KALRN: variants seen among roughly 807,000 people sequenced by gnomAD.
The protein encoded by KALRN is kalirin.
A neutral mutation model predicts 353.7 loss-of-function variants in KALRN; 70 were observed. The ratio of observed to expected loss-of-function variants is 0.20; its 90% CI spans 0.16 to 0.24. The LOEUF is 0.24. Among genes scored for constraint, KALRN ranks in the 10% least tolerant of loss-of-function variants. KALRN has a pLI of 1.00. For missense variants in KALRN, 2,791 were observed against 3,756.7 expected (o/e 0.74, Z 6.72); for synonymous variants, 1,391 against 1,434.8 (o/e 0.97, Z 0.69).
chr3:124,055,242 C>T (rs1260541581), intron 1 of KALRN, among the ~76,000 whole-genome samples: 1 of 152,184 alleles, frequency 6.6e-6, no homozygotes, highest in Non-Finnish European at 1.5e-5. Flanking sequence ...CTGTCATTCC[C>T]ATAGAATCTG....
In KALRN at chr3:124,562,752, C is replaced by A. The variant is rs2109870140; in HGVS notation, c.4936-91C>A. 3.4e-6 allele frequency: 4 copies of A among 1,160,138 alleles called. No individual in the cohort carries two copies. The South Asian group carries it at 5.8e-5, about 17-fold the overall frequency. 71.9% of individuals were successfully genotyped at this position (1,160,138 alleles called of 1,614,324 possible). On this transcript the variant is annotated intron_variant, in intron 33 of 59. Coordinates refer to ENST00000682506, the MANE Select transcript of KALRN (RefSeq NM_001388419.1). ...CCTCCTTACCTCTGCTCTCACACATCCTTCGTCCCCTCTCACCAACCCTCT... is the reference window on the plus strand; with the variant it reads ...CCTCCTTACCTCTGCTCTCACACATACTTCGTCCCCTCTCACCAACCCTCT...
intron 1 of KALRN, among the ~76,000 whole-genome samples, chr3:124,170,095 C>T (rs558969330): frequency 2.6e-5 from 4 of 152,172 alleles, no homozygotes; most frequent in South Asian, 4.2e-4. Context: ...GTACTTGGGA[C>T]GTGTGGTAAA....
intron 34 of KALRN, among the ~76,000 whole-genome samples, chr3:124,614,534 A>G (rs1428185704): frequency 6.6e-6 from 1 of 150,938 alleles, no homozygotes; most frequent in Non-Finnish European, 1.5e-5. Flanking sequence ...TGTTGGGATT[A>G]CAGGCATGAG....
chr3:124,353,133 GT>G (rs1437557645), intron 10 of KALRN, among the ~76,000 whole-genome samples: 1 of 152,120 alleles, frequency 6.6e-6, no homozygotes, highest in African/African-American at 2.4e-5. Context: ...CAACTGCATT[GT>G]GCTATCTTGA....
At chr3:124,063,825 A>G (rs2149227265) in intron 1 of KALRN, among the ~76,000 whole-genome samples, 1 of 152,274 alleles carries the variant, frequency 6.6e-6, no homozygotes, top group East Asian at 1.9e-4. Context: ...TCCATATGTA[A>G]AGCACTGACT....
chr3:124,035,373 A>C (rs1423095383), intron 1 of KALRN, among the ~76,000 whole-genome samples: 1 of 152,160 alleles, frequency 6.6e-6, no homozygotes, highest in Non-Finnish European at 1.5e-5. Flanking sequence ...ATGGGAATTC[A>C]TAACTGGGAC....
chr3:124,563,981 G>A (rs547967041), intron 34 of KALRN, among the ~76,000 whole-genome samples: 34 of 147,688 alleles, frequency 2.3e-4, no homozygotes, highest in African/African-American at 8.6e-4. Flanking sequence ...ACTCCAGCCT[G>A]GGCAACAGAG....
intron 31 of KALRN, chr3:124,491,706 G>C (rs557373612): frequency 3.4e-6 from 1 of 290,852 alleles, no homozygotes; most frequent in Admixed American, 5.2e-5. Flanking sequence ...CGCTTAAACT[G>C]TGCTCTGTCC....
chr3:124,325,249 C>G (rs2079766860), intron 6 of KALRN, among the ~76,000 whole-genome samples: 1 of 152,044 alleles, frequency 6.6e-6, no homozygotes, highest in Non-Finnish European at 1.5e-5. Context: ...CTCCTTGATG[C>G]CTTTTGGGGT....
intron 1 of KALRN, among the ~76,000 whole-genome samples, chr3:124,192,574 C>A (rs1333638812): frequency 6.6e-6 from 1 of 151,830 alleles, no homozygotes; most frequent in Non-Finnish European, 1.5e-5. Flanking sequence ...GGATGGATAC[C>A]CCATTCTCCG....
At position 124,385,279 on chromosome 3, in the gene KALRN, G is replaced by T. The variant is rs374916477; in HGVS notation, c.1962+243G>T. Among the ~76,000 whole-genome samples the T allele has an allele frequency of 7.9e-5, 12 of 152,218 alleles. No homozygotes were observed. In the East Asian group the frequency reaches 2.1e-3, roughly 27 times the overall value. On this transcript the variant is annotated intron_variant, in intron 11 of 59. Coordinates refer to ENST00000682506, the MANE Select transcript of KALRN (RefSeq NM_001388419.1). The stretch of plus-strand genomic sequence containing the variant: ...GTCATGGAGACAGGTGGTTTTCGGG[G>T]CATCTGCTAGAGCATGCAATCTGCA...
chr3:124,102,150 A>C (rs536597810), intron 1 of KALRN, among the ~76,000 whole-genome samples: 3 of 152,144 alleles, frequency 2.0e-5, no homozygotes, highest in Non-Finnish European at 4.4e-5. Context: ...ATTGGCTTTT[A>C]TAGTCATCTA....
chr3:124,048,837 A>C (rs1314500005), intron 1 of KALRN, among the ~76,000 whole-genome samples: 2 of 152,168 alleles, frequency 1.3e-5, no homozygotes, highest in Non-Finnish European at 2.9e-5. Context: ...GTGTTACTTT[A>C]TTAAACCATT....
chr3:124,496,742 T>A (rs1391897089), intron 33 of KALRN, among the ~76,000 whole-genome samples: 4 of 152,202 alleles, frequency 2.6e-5, no homozygotes. Flanking sequence ...TGCTGTGCCT[T>A]CTGGGGGGAT....
At chr3:124,252,639 G>A (rs1328105576) in intron 3 of KALRN, among the ~76,000 whole-genome samples, 19 of 152,202 alleles carry the variant, frequency 1.2e-4, no homozygotes, top group Admixed American at 1.2e-3. Flanking sequence ...TAACTCTTTG[G>A]AATAATAACC....
At chr3:124,564,099 G>A in intron 34 of KALRN, among the ~76,000 whole-genome samples, 1 of 151,190 alleles carries the variant, frequency 6.6e-6, no homozygotes, top group Non-Finnish European at 1.5e-5. Context: ...CAGCTACTCG[G>A]GAGGCTGAGG....
intron 34 of KALRN, among the ~76,000 whole-genome samples, chr3:124,596,972 C>T (rs934704391): frequency 2.0e-5 from 3 of 151,944 alleles, no homozygotes; most frequent in Non-Finnish European, 4.4e-5. Context: ...TCCTTGAACC[C>T]GGGAGGCGGA....
intron 10 of KALRN, among the ~76,000 whole-genome samples, chr3:124,379,992 A>G (rs893929181): frequency 6.6e-6 from 1 of 152,046 alleles, no homozygotes; most frequent in Non-Finnish European, 1.5e-5. Context: ...AAAAATAACC[A>G]CTGTGAGGGG....
At chr3:124,610,847 C>CG in intron 34 of KALRN, among the ~76,000 whole-genome samples, 1 of 150,746 alleles carries the variant, frequency 6.6e-6, no homozygotes, top group East Asian at 2.0e-4. Context: ...CCCGTCCCTA[C>CG]AAAAAAAAGA....
Sources: gnomAD v4.1 joint callset for allele counts (sites outside exome capture counted in the v4.1 genomes callset) on GRCh38, gnomAD v4.1.1 for gene constraint, MANE v1.5 for transcripts, NCBI Gene and HGNC (gene_info 2026-07-23, HGNC 2026-07-21) for gene names.